Variants in RPSA2 observed in about 807,000 individuals in gnomAD.
The protein encoded by RPSA2 is ribosomal protein SA 2.
At chr19:23,804,442 A>G in the RPSA2 span, among the ~76,000 whole-genome samples, 147,991 of 151,312 alleles carry the variant, frequency 0.98, 72,465 homozygotes, top group Middle Eastern at 1. Flanking sequence ...GACTACAGGC[A>G]ACCGCCACCA....
At chr19:23,826,446 G>A in the RPSA2 span, among the ~76,000 whole-genome samples, 1 of 152,016 alleles carries the variant, frequency 6.6e-6, no homozygotes, top group African/African-American at 2.4e-5. Flanking sequence ...ATCTGCCTCA[G>A]CCTTTCAAAG....
the RPSA2 span, among the ~76,000 whole-genome samples, chr19:23,847,459 G>GT: frequency 2.0e-5 from 3 of 152,088 alleles, no homozygotes; most frequent in South Asian, 6.2e-4. Flanking sequence ...TCACATATCG[G>GT]TAGGACCATG....
chr19:23,771,613 A>C, the RPSA2 span, among the ~76,000 whole-genome samples: 1 of 152,094 alleles, frequency 6.6e-6, no homozygotes, highest in Admixed American at 6.6e-5. Flanking sequence ...TCAACCCAGC[A>C]TTTAGGTGAT....
At chr19:23,779,981 G>T in the RPSA2 span, among the ~76,000 whole-genome samples, 1 of 152,156 alleles carries the variant, frequency 6.6e-6, no homozygotes, top group Non-Finnish European at 1.5e-5. Flanking sequence ...TCCAGGTGAC[G>T]TCGCTCTCCT....
At chr19:23,806,949 A>G in the RPSA2 span, among the ~76,000 whole-genome samples, 1 of 152,176 alleles carries the variant, frequency 6.6e-6, no homozygotes, top group South Asian at 2.1e-4. Context: ...TGAGACTGTA[A>G]TTTACTTTAG....
the RPSA2 span, among the ~76,000 whole-genome samples, chr19:23,786,492 C>T: frequency 3.3e-5 from 5 of 152,296 alleles, no homozygotes; most frequent in South Asian, 1.0e-3. Flanking sequence ...TTGGGTGAAT[C>T]CTGCACCCAT....
chr19:23,763,726 C>T, the RPSA2 span, among the ~76,000 whole-genome samples: 8 of 152,288 alleles, frequency 5.3e-5, no homozygotes, highest in Middle Eastern at 3.4e-3. Flanking sequence ...CTTGGCCCCC[C>T]AAAGTGCTAA....
the RPSA2 span, among the ~76,000 whole-genome samples, chr19:23,821,395 G>C: frequency 6.6e-6 from 1 of 152,318 alleles, no homozygotes; most frequent in East Asian, 1.9e-4. Flanking sequence ...AGAAAGAAAG[G>C]CTTAGTTAGA....
the RPSA2 span, among the ~76,000 whole-genome samples, chr19:23,809,782 G>A: frequency 6.6e-6 from 1 of 151,550 alleles, no homozygotes; most frequent in Non-Finnish European, 1.5e-5. Context: ...CAACAGCAAT[G>A]TTTTACTTTT....
the RPSA2 span, among the ~76,000 whole-genome samples, chr19:23,840,444 T>C: frequency 4.6e-5 from 7 of 152,192 alleles, no homozygotes; most frequent in African/African-American, 1.7e-4. Context: ...TTGGGGATGG[T>C]GCTGGGTCCT....
chr19:23,846,933 A>G, the RPSA2 span, among the ~76,000 whole-genome samples: 3 of 152,176 alleles, frequency 2.0e-5, no homozygotes, highest in Non-Finnish European at 4.4e-5. Flanking sequence ...GTTTTCATCA[A>G]TTATTTTCTT....
chr19:23,836,213 C>A, the RPSA2 span, among the ~76,000 whole-genome samples: 1 of 152,178 alleles, frequency 6.6e-6, no homozygotes, highest in East Asian at 1.9e-4. Context: ...ATTCTCATAG[C>A]TTACCTCCCA....
At chr19:23,776,364 G>T in the RPSA2 span, among the ~76,000 whole-genome samples, 1 of 152,234 alleles carries the variant, frequency 6.6e-6, no homozygotes, top group South Asian at 2.1e-4. Flanking sequence ...ACTGTGCCTT[G>T]CACCCAGGGG....
the RPSA2 span, among the ~76,000 whole-genome samples, chr19:23,792,655 C>G: frequency 6.7e-6 from 1 of 149,102 alleles, no homozygotes; most frequent in Non-Finnish European, 1.5e-5. Context: ...GCTGGAATTA[C>G]AGGCGCGCAC....
the RPSA2 span, among the ~76,000 whole-genome samples, chr19:23,830,411 C>T: frequency 6.6e-6 from 1 of 152,190 alleles, no homozygotes; most frequent in African/African-American, 2.4e-5. Flanking sequence ...TCCCAAAGTG[C>T]CTGGATTACA....
chr19:23,840,586 A>G, the RPSA2 span, among the ~76,000 whole-genome samples: 148,963 of 152,288 alleles, frequency 0.98, 72,948 homozygotes, highest in Middle Eastern at 1. Flanking sequence ...ATTTAGAAAG[A>G]TATGTAAAGG....
At chr19:23,763,759 T>C in the RPSA2 span, among the ~76,000 whole-genome samples, 12 of 152,302 alleles carry the variant, frequency 7.9e-5, no homozygotes, top group African/African-American at 2.9e-4. Flanking sequence ...CATGAGGCAC[T>C]GCGCCAAGCC....
At chr19:23,835,888 C>A in the RPSA2 span, among the ~76,000 whole-genome samples, 2 of 152,180 alleles carry the variant, frequency 1.3e-5, no homozygotes, top group Non-Finnish European at 2.9e-5. Context: ...TCCACCTCAG[C>A]CTCCCAGAGT....
At chr19:23,853,178 T>G in the RPSA2 span, among the ~76,000 whole-genome samples, 1 of 152,198 alleles carries the variant, frequency 6.6e-6, no homozygotes, top group African/African-American at 2.4e-5. Context: ...TTAAGGCAAA[T>G]TTTTCACAAT....
Sources: allele counts gnomAD v4.1 joint callset (sites outside exome capture counted in the v4.1 genomes callset), GRCh38; gene constraint gnomAD v4.1.1; transcripts MANE v1.5; gene names NCBI Gene and HGNC (gene_info 2026-07-23, HGNC 2026-07-21).